Variants in PACSIN3 observed in about 807,000 individuals in gnomAD.
PACSIN3 encodes protein kinase C and casein kinase substrate in neurons protein 3.
PACSIN3 carries 34 observed loss-of-function variants against 56.1 expected under a neutral mutation model. The ratio of observed to expected loss-of-function variants is 0.61; its 90% CI spans 0.46 to 0.81. The LOEUF (loss-of-function observed/expected upper bound fraction) is 0.81. Ranked by LOEUF, PACSIN3 falls within the 30% of genes least tolerant of loss-of-function variation. The pLI is 0.00. For synonymous variants in PACSIN3, 218 were observed against 229.8 expected, an observed-to-expected ratio of 0.95 and a Z score of 0.46; for missense variants, 535 against 592.4, an observed-to-expected ratio of 0.90 and a Z score of 1.01.
rs776927868 is a variant in PACSIN3, at chr11:47,178,996, C to A, written c.935G>T (p.Arg312Leu). 12 of 1,614,104 alleles carry A rather than the reference C, an allele frequency of 7.4e-6. No homozygotes were observed. The highest frequency in any genetic ancestry group is 1.0e-5 in the Non-Finnish European group (12 of 1,180,012). ...AGGGCTCCGGCCACCCTTCTCTTTC[C>A]GGCTGATTGTCCTCTGTGTGTCCAA... is the stretch of plus-strand genomic sequence containing the variant. ...WSLDTQRTIS[R>L]KEKGGRSPDE... The change falls in exon 9 of 11, where the codon CGG becomes CTG. Residue 312 changes from arginine to leucine, a missense_variant. Arg to Leu is a moderately radical substitution (Grantham distance 102, BLOSUM62 -2). Coordinates refer to ENST00000298838, the MANE Select transcript of PACSIN3 (RefSeq NM_016223.5). This position sits in a 1 kb window ranked among gnomAD's most constrained non-coding sequence, Gnocchi z 4.2.
rs1464538226 is a variant in PACSIN3 at position 47,178,597 on chromosome 11, G to C, written c.1038-110C>G. On this transcript the variant is annotated intron_variant, in intron 9 of 10. Transcript: ENST00000298838. The surrounding 1 kb of genome is among the most constrained non-coding windows in gnomAD (Gnocchi z 4.2). ...CCTACCCCCAGAGGCACCTGGGAGA[G>C]TCAGGTGAGGTACTAAAGATTCTAG... 1 of 1,357,724 alleles carries C rather than the reference G, an allele frequency of 7.4e-7. No individual in the cohort carries two copies. Among genetic ancestry groups the C allele is most frequent in the Non-Finnish European group, 1.0e-6 (1 of 1,000,706 alleles). 84.1% of individuals were successfully genotyped at this position (1,357,724 alleles called of 1,614,324 possible). A position where few individuals can be genotyped will look rare whatever the true frequency, so the allele number is the denominator to read the frequency against.
intron 4 of PACSIN3, 51 bp from the exon 5 acceptor site, chr11:47,180,741 G>C (rs1445835984): frequency 2.7e-6 from 4 of 1,459,902 alleles, no homozygotes; most frequent in Non-Finnish European, 9.2e-7. Context: ...CCCAAAATGA[G>C]CCTAGCCCCT....
At chr11:47,183,516 C>T (rs978343929) in intron 1 of PACSIN3, among the ~76,000 whole-genome samples, 24 of 152,234 alleles carry the variant, frequency 1.6e-4, no homozygotes, top group African/African-American at 4.6e-4. Context: ...CCTCTGTGTG[C>T]TCAGCTGCCA....
At chr11:47,184,040 A>G (rs1406310000) in intron 1 of PACSIN3, among the ~76,000 whole-genome samples, 1 of 151,542 alleles carries the variant, frequency 6.6e-6, no homozygotes, top group Non-Finnish European at 1.5e-5. Context: ...AGTTCCCTAG[A>G]ATCGCAGAGG....
chr11:47,184,518 TTAAG>T (rs1460638033), intron 1 of PACSIN3: 1 of 152,260 alleles, frequency 6.6e-6, no homozygotes, highest in Non-Finnish European at 1.5e-5. Context: ...CAATAATTAG[TTAAG>T]TGAGAAAAGA....
rs1049288671 is a variant in PACSIN3, at chr11:47,180,796, T to C, written c.212-106A>G. Reference sequence around the variant, plus strand: ...GGAGGCATGGGGTACGCGCATGGGGTGCAAAGGTGAATGACAACCCTGTCA... The same window carrying C: ...GGAGGCATGGGGTACGCGCATGGGGCGCAAAGGTGAATGACAACCCTGTCA... On this transcript the variant is annotated intron_variant, in intron 4 of 10. Coordinates refer to ENST00000298838, the MANE Select transcript of PACSIN3 (RefSeq NM_016223.5). 25 of 823,108 alleles carry C rather than the reference T, an allele frequency of 3.0e-5. No individual in the cohort carries two copies. The African/African-American group carries it at 4.0e-4, about 13-fold the overall frequency. 51.0% of individuals were successfully genotyped at this position (823,108 alleles called of 1,614,324 possible).
chr11:47,182,613 G>A, intron 3 of PACSIN3, 54 bp from the exon 4 acceptor site: 1 of 1,604,168 alleles, frequency 6.2e-7, no homozygotes, highest in Non-Finnish European at 8.5e-7. Flanking sequence ...CTTTGGGGCT[G>A]GGGCTGTCAG....
At position 47,178,997 on chromosome 11, in the gene PACSIN3, G is replaced by A. The variant is rs370134394; in HGVS notation, c.934C>T (p.Arg312Trp). 14 of 1,613,900 alleles carry A rather than the reference G, an allele frequency of 8.7e-6. No homozygotes were observed. Among genetic ancestry groups the A allele is most frequent in the Middle Eastern group, 3.3e-4 (2 of 6,084 alleles). The change falls in exon 9 of 11, where the codon CGG (arginine) becomes TGG (tryptophan). Residue 312 changes from arginine to tryptophan, a missense_variant. Arg to Trp is a moderately radical substitution (Grantham distance 101, BLOSUM62 -3). Transcript: ENST00000298838. The surrounding 1 kb of genome is among the most constrained non-coding windows in gnomAD (Gnocchi z 4.2). ...GGGCTCCGGCCACCCTTCTCTTTCCGGCTGATTGTCCTCTGTGTGTCCAAG... is the reference window on the plus strand; with the variant it reads ...GGGCTCCGGCCACCCTTCTCTTTCCAGCTGATTGTCCTCTGTGTGTCCAAG... ...WSLDTQRTIS[R>W]KEKGGRSPDE...
rs377108623 is a variant in PACSIN3, at chr11:47,179,195, G to A, written c.864C>T (p.His288=). The A allele has an allele frequency of 4.6e-5, 74 of 1,613,740 alleles. No individual in the cohort carries two copies. Among genetic ancestry groups the A allele is most frequent in the African/African-American group, 2.0e-4 (15 of 74,910 alleles). ...GCCAGTTCATGGCCATGCCTGGCCCGTGGGTGCTGCGCCACCAGCGCAGAT... is the reference window on the plus strand; with the variant it reads ...GCCAGTTCATGGCCATGCCTGGCCCATGGGTGCTGCGCCACCAGCGCAGAT... ...EEDLRWWRST[H]GPGMAMNWPQ... is the part of the protein sequence containing the mutation. The change falls in exon 8 of 11, where the codon CAC becomes CAT. Residue 288 remains histidine, a synonymous_variant. Coordinates refer to ENST00000298838, the MANE Select transcript of PACSIN3 (RefSeq NM_016223.5). This position sits in a 1 kb window ranked among gnomAD's most constrained non-coding sequence, Gnocchi z 4.4.
rs1435313713 is a variant in PACSIN3, at chr11:47,180,160, C to T, written c.603+26G>A. On this transcript the variant is annotated intron_variant, in intron 6 of 10. Coordinates refer to ENST00000298838, the MANE Select transcript of PACSIN3 (RefSeq NM_016223.5). ...CAGGAAGCCGTGCCCTGGGCGGGGGCCAGGGCTGGGACCTGTGGCCTGTAC... is the reference window on the plus strand; with the variant it reads ...CAGGAAGCCGTGCCCTGGGCGGGGGTCAGGGCTGGGACCTGTGGCCTGTAC... 2.5e-6 allele frequency: 4 copies of T among 1,594,118 alleles called. No homozygotes were observed. The Admixed American group carries it at 6.7e-5, about 27-fold the overall frequency.
chr11:47,182,543 C>T lies in PACSIN3; in HGVS notation c.71G>A (p.Arg24His), dbSNP rs763827628. ...GSFWEAGNYR[R>H]TVQRVEDGHR... ...CCCGTCCTCCACCCGCTGTACCGTG[C>T]GCCTGTAGTTGCCAGCCTGGGCATA... Residue 24 changes from arginine to histidine, a missense_variant, in exon 4 of 11, where the codon CGC (arginine) becomes CAC (histidine). Arg to His is a conservative substitution (Grantham distance 29). Coordinates refer to ENST00000298838, the MANE Select transcript of PACSIN3 (RefSeq NM_016223.5). The T allele has an allele frequency of 8.7e-6, 14 of 1,611,860 alleles. No homozygotes were observed. Among genetic ancestry groups the T allele is most frequent in the African/African-American group, 5.3e-5 (4 of 74,894 alleles).
chr11:47,180,855 T>C (rs1437190456), intron 4 of PACSIN3, among the ~76,000 whole-genome samples, 165 bp from the exon 5 acceptor site: 3 of 152,222 alleles, frequency 2.0e-5, no homozygotes, highest in Non-Finnish European at 4.4e-5. Flanking sequence ...ATGTGCCTTA[T>C]CTCACTGACT....
In PACSIN3 at chr11:47,180,177, G is replaced by A. The variant is rs778370302; in HGVS notation, c.603+9C>T. The A allele has an allele frequency of 1.9e-6, 3 of 1,601,316 alleles. No homozygotes were observed. The highest frequency in any genetic ancestry group is 1.7e-4 in the Middle Eastern group (1 of 6,030). ...GGCGGGGGCCAGGGCTGGGACCTGT[G>A]GCCTGTACCTTCTCGGCCTCCTTGG... On this transcript the variant is annotated intron_variant, in intron 6 of 10. Transcript: ENST00000298838.
rs1952980676 is a variant in PACSIN3 at position 47,179,782 on chromosome 11, A to G, written c.604-196T>C. On this transcript the variant is annotated intron_variant, in intron 6 of 10. Coordinates refer to ENST00000298838, the MANE Select transcript of PACSIN3 (RefSeq NM_016223.5). This position sits in a 1 kb window ranked among gnomAD's most constrained non-coding sequence, Gnocchi z 4.4. ...GGTGACATCAGGCACAGCATATAAAAGAGTCTGGTGAGGATTGAAATGAGG... is the reference window on the plus strand; with the variant it reads ...GGTGACATCAGGCACAGCATATAAAGGAGTCTGGTGAGGATTGAAATGAGG... The G allele has an allele frequency of 3.4e-6, 2 of 594,888 alleles. No homozygotes were observed. The highest frequency in any genetic ancestry group is 5.9e-6 in the Non-Finnish European group (2 of 337,218). 36.9% of individuals were successfully genotyped at this position (594,888 alleles called of 1,614,324 possible). A position where few individuals can be genotyped will look rare whatever the true frequency, so the allele number is the denominator to read the frequency against.
intron 5 of PACSIN3, 27 bp from the exon 6 acceptor site, chr11:47,180,368 C>T: frequency 1.2e-6 from 2 of 1,600,958 alleles, no homozygotes; most frequent in South Asian, 1.1e-5. Context: ...CCACTCTGGA[C>T]CCTGGATGCC....
chr11:47,180,119 G>A, intron 6 of PACSIN3, 67 bp downstream of exon 6: 2 of 1,455,376 alleles, frequency 1.4e-6, no homozygotes, highest in Non-Finnish European at 1.9e-6. Context: ...AAGATGTTCA[G>A]GGAGCAAGAT....
At chr11:47,180,723 G>C (rs764558880) in intron 4 of PACSIN3, 33 bp from the exon 5 acceptor site, 1 of 1,541,422 alleles carries the variant, frequency 6.5e-7, no homozygotes, top group Non-Finnish European at 8.8e-7. Context: ...GGCCAGGCCT[G>C]GGTACCACCC....
chr11:47,183,131 C>A (rs1953060559), intron 1 of PACSIN3, 62 bp from the exon 2 acceptor site: 1 of 167,656 alleles, frequency 6.0e-6, no homozygotes, highest in South Asian at 2.0e-4. Context: ...CGGTGCCCGG[C>A]ACCCCCAATA....
chr11:47,178,149 T>A lies in PACSIN3; in HGVS notation c.1160-103A>T. On this transcript the variant is annotated intron_variant, in intron 10 of 10. Transcript: ENST00000298838. The surrounding 1 kb of genome is among the most constrained non-coding windows in gnomAD (Gnocchi z 4.2). ...GGATGGTGTGGTCCCAGAGCCCAGC[T>A]AGCAAAGACATGGCTCAGGCAGAGG... 1 of 1,223,850 alleles carries A rather than the reference T, an allele frequency of 8.2e-7. No homozygotes were observed. Among genetic ancestry groups the A allele is most frequent in the Non-Finnish European group, 1.2e-6 (1 of 859,016 alleles). 75.8% of individuals were successfully genotyped at this position (1,223,850 alleles called of 1,614,324 possible).
Sources: gnomAD v4.1 joint callset for allele counts (sites outside exome capture counted in the v4.1 genomes callset) on GRCh38, gnomAD v4.1.1 for gene constraint, Gnocchi (gnomAD v3.1) non-coding constraint, MANE v1.5 for transcripts, NCBI Gene and HGNC (gene_info 2026-07-23, HGNC 2026-07-21) for gene names.